The following VWA8 variants were observed in gnomAD, a reference collection of about 807,000 sequenced individuals.
The protein encoded by VWA8 is von Willebrand factor A domain-containing protein 8.
A neutral mutation model predicts 241.5 loss-of-function variants in VWA8; 221 were observed. The ratio of observed to expected loss-of-function variants is 0.91; its 90% CI spans 0.82 to 1.02. The LOEUF is 1.02. Among genes scored for constraint, VWA8 ranks in the 50% least tolerant of loss-of-function variants. The pLI is 0.00. For missense variants in VWA8, 2,322 were observed against 2,328.7 expected (o/e 1.00, Z 0.06); for synonymous variants, 852 against 827.1 (o/e 1.03, Z -0.52).
intron 24 of VWA8, among the ~76,000 whole-genome samples, chr13:41,725,518 G>A (rs1278673987): frequency 1.3e-5 from 2 of 152,132 alleles, no homozygotes; most frequent in Admixed American, 6.6e-5. Context: ...AGTGGGAAGG[G>A]TCACATATGT....
intron 2 of VWA8, among the ~76,000 whole-genome samples, chr13:41,927,646 G>C (rs1473538396): frequency 6.6e-6 from 1 of 151,670 alleles, no homozygotes; most frequent in Non-Finnish European, 1.5e-5. Context: ...TCAAAGCATA[G>C]TGTTATAGAA....
At chr13:41,719,493 G>T in intron 26 of VWA8, 98 bp downstream of exon 26, 1 of 1,581,996 alleles carries the variant, frequency 6.3e-7, no homozygotes, top group South Asian at 1.2e-5. Flanking sequence ...GCTTACTCAT[G>T]GAAAGTAATT....
Position 41,701,539 on chromosome 13 carries a change from A to ATAAT in VWA8, c.3226-10_3226-9insATTA. 1 of 1,539,944 alleles carries ATAAT rather than the reference A, an allele frequency of 6.5e-7. No homozygotes were observed. The highest frequency in any genetic ancestry group is 8.7e-7 in the Non-Finnish European group (1 of 1,148,764). ...TTTATAAGTGCTGGACCCTATAATA[A>ATAAT]AGCAGTTATCTCAGTTAAGATATTT... On this transcript the variant is annotated splice_polypyrimidine_tract_variant and intron_variant, in intron 27 of 44. Coordinates refer to ENST00000379310, the MANE Select transcript of VWA8 (RefSeq NM_015058.2).
At chr13:41,893,633 C>T (rs1874957425) in intron 4 of VWA8, among the ~76,000 whole-genome samples, 1 of 152,116 alleles carries the variant, frequency 6.6e-6, no homozygotes, top group African/African-American at 2.4e-5. Flanking sequence ...TGCCTATAAT[C>T]TCAGCATTTT....
chr13:41,603,783 T>C lies in VWA8; in HGVS notation c.4986+1385A>G, dbSNP rs1235036827. On this transcript the variant is annotated intron_variant, in intron 40 of 44. Coordinates refer to ENST00000379310, the MANE Select transcript of VWA8 (RefSeq NM_015058.2). The stretch of plus-strand genomic sequence containing the variant: ...TCCTATACCTCTGTGCACTTGTGCA[T>C]ACTGCTTCCTCTGTTGGACATGCCC... Among the ~76,000 whole-genome samples, 4 of 152,200 alleles carry C rather than the reference T, an allele frequency of 2.6e-5. No individual in the cohort carries two copies. In the South Asian group the frequency reaches 8.3e-4, roughly 31 times the overall value.
At chr13:41,687,679 G>T (rs1593697290) in intron 34 of VWA8, among the ~76,000 whole-genome samples, 1 of 152,042 alleles carries the variant, frequency 6.6e-6, no homozygotes, top group Non-Finnish European at 1.5e-5. Context: ...TAACTATCAT[G>T]TATGAAAGGG....
chr13:41,936,416 T>C (rs1428897452), intron 2 of VWA8, among the ~76,000 whole-genome samples: 2 of 152,212 alleles, frequency 1.3e-5, no homozygotes, highest in African/African-American at 4.8e-5. Context: ...GAGATACTTG[T>C]ATATTAAGTG....
intron 39 of VWA8, among the ~76,000 whole-genome samples, chr13:41,608,652 A>C (rs1473186332): frequency 1.3e-5 from 2 of 152,206 alleles, no homozygotes; most frequent in Non-Finnish European, 2.9e-5. Flanking sequence ...CCACTGTGTG[A>C]GGCTGATTAG....
intron 37 of VWA8, among the ~76,000 whole-genome samples, chr13:41,615,457 C>T (rs930276908): frequency 3.9e-5 from 6 of 152,162 alleles, no homozygotes; most frequent in Non-Finnish European, 7.3e-5. Context: ...AAAAGGATCA[C>T]CACCTAGCTG....
chr13:41,808,740 T>C (rs1449496456), intron 17 of VWA8, among the ~76,000 whole-genome samples: 2 of 152,050 alleles, frequency 1.3e-5, no homozygotes, highest in African/African-American at 2.4e-5. Flanking sequence ...AACACAGTAG[T>C]GGAAAACCTA....
intron 13 of VWA8, among the ~76,000 whole-genome samples, chr13:41,831,606 G>A (rs970276177): frequency 1.4e-5 from 2 of 140,982 alleles, no homozygotes; most frequent in Admixed American, 7.5e-5. Context: ...GTGAAGCCCA[G>A]GCATGAGTTT....
chr13:41,831,474 T>C (rs1871450227), intron 13 of VWA8, among the ~76,000 whole-genome samples: 1 of 152,150 alleles, frequency 6.6e-6, no homozygotes, highest in Admixed American at 6.5e-5. Flanking sequence ...AAACAGCTAA[T>C]GTAAAATGGA....
At chr13:41,644,585 G>A (rs1301124001) in intron 37 of VWA8, among the ~76,000 whole-genome samples, 1 of 152,222 alleles carries the variant, frequency 6.6e-6, no homozygotes, top group African/African-American at 2.4e-5. Flanking sequence ...CATGGTCCCA[G>A]TGTGAGTGAG....
intron 13 of VWA8, among the ~76,000 whole-genome samples, chr13:41,831,907 A>T (rs1240612412): frequency 6.6e-6 from 1 of 150,908 alleles, no homozygotes; most frequent in Non-Finnish European, 1.5e-5. Flanking sequence ...GGTGTGAGCT[A>T]CTGCACCTGG....
intron 37 of VWA8, among the ~76,000 whole-genome samples, chr13:41,638,116 T>G (rs529165592): frequency 6.6e-6 from 1 of 152,324 alleles, no homozygotes; most frequent in South Asian, 2.1e-4. Context: ...TCTCTTTGGA[T>G]TTCAGTTTCT....
chr13:41,632,155 A>C (rs2139675110), intron 37 of VWA8, among the ~76,000 whole-genome samples: 1 of 152,284 alleles, frequency 6.6e-6, no homozygotes, highest in South Asian at 2.1e-4. Context: ...TGGTATATAA[A>C]AGGTGGTCCT....
rs1010617787 is a variant in VWA8 at position 41,961,075 on chromosome 13, C to A, written c.-60G>T. 62 of 1,332,652 alleles carry A rather than the reference C, an allele frequency of 4.7e-5. No individual in the cohort carries two copies. Among genetic ancestry groups the A allele is most frequent in the Non-Finnish European group, 6.0e-5 (62 of 1,041,310 alleles). The allele number at this position is 1,332,652 out of a possible 1,614,324, so 82.6% of individuals were successfully genotyped here. On this transcript the variant is annotated 5_prime_UTR_variant, in exon 1 of 45. Coordinates refer to ENST00000379310, the MANE Select transcript of VWA8 (RefSeq NM_015058.2). ...CTCGGGGATCGAGCGGCGTCCCGTG[C>A]AGGCACCGTGAGGCAGCGCGGAGAA...
intron 12 of VWA8, among the ~76,000 whole-genome samples, chr13:41,841,740 G>A (rs1223123011): frequency 1.3e-4 from 16 of 125,376 alleles, no homozygotes; most frequent in African/African-American, 4.7e-4. Flanking sequence ...AGCCGAGATC[G>A]CGCCACTGCA....
At chr13:41,755,891 T>A (rs2045691283) in intron 21 of VWA8, among the ~76,000 whole-genome samples, 1 of 151,730 alleles carries the variant, frequency 6.6e-6, no homozygotes, top group Non-Finnish European at 1.5e-5. Context: ...AAATCAATAA[T>A]TTAGGCATTC....
Sources: gnomAD v4.1 joint callset for allele counts (sites outside exome capture counted in the v4.1 genomes callset) on GRCh38, gnomAD v4.1.1 for gene constraint, MANE v1.5 for transcripts, NCBI Gene and HGNC (gene_info 2026-07-23, HGNC 2026-07-21) for gene names.